The following FOCAD variants were observed in gnomAD, a reference collection of about 807,000 sequenced individuals.
The protein encoded by FOCAD is KIAA1797.
In FOCAD, 198 loss-of-function variants were observed where a neutral mutation model predicts 225.6. The observed-to-expected ratio is 0.88, with a 90% CI of 0.78 to 0.99. FOCAD has a LOEUF of 0.99. FOCAD is among the 50% of genes least tolerant of loss of function. FOCAD has a pLI of 0.00. For missense variants in FOCAD, 2,713 were observed against 2,123.6 expected (o/e 1.28, Z -5.46); for synonymous variants, 897 against 755.0 (o/e 1.19, Z -3.08).
At chr9:20,969,245 G>A (rs1254045716) in intron 35 of FOCAD, among the ~76,000 whole-genome samples, 2 of 152,190 alleles carry the variant, frequency 1.3e-5, no homozygotes, top group East Asian at 3.9e-4. Context: ...TATTCTGATG[G>A]TGTTGAGTGG....
chr9:20,776,798 G>A (rs779888240), intron 8 of FOCAD, among the ~76,000 whole-genome samples: 13 of 152,054 alleles, frequency 8.5e-5, no homozygotes, highest in Non-Finnish European at 1.8e-4. Flanking sequence ...GTTGTTGATC[G>A]TTTTGGAATC....
At chr9:20,910,658 T>C (rs1413445368) in intron 22 of FOCAD, among the ~76,000 whole-genome samples, 3 of 152,054 alleles carry the variant, frequency 2.0e-5, no homozygotes, top group Non-Finnish European at 2.9e-5. Flanking sequence ...GTGATCACTT[T>C]AGCCATTTTG....
At chr9:20,961,209 C>T (rs1340331815) in intron 35 of FOCAD, among the ~76,000 whole-genome samples, 1 of 151,828 alleles carries the variant, frequency 6.6e-6, no homozygotes, top group Non-Finnish European at 1.5e-5. Context: ...CTCTTTCTCT[C>T]CCTCTCTCTC....
intron 4 of FOCAD, among the ~76,000 whole-genome samples, chr9:20,731,060 A>T (rs556144533): frequency 2.0e-5 from 3 of 152,060 alleles, no homozygotes; most frequent in African/African-American, 7.2e-5. Context: ...ACATGGCAAA[A>T]CCCCATCTCT....
In FOCAD at chr9:20,881,966, G is replaced by C. The variant is rs1164960491; in HGVS notation, c.2413G>C (p.Asp805His). 1.2e-6 allele frequency: 2 copies of C among 1,613,966 alleles called. No homozygotes were observed. Among genetic ancestry groups the C allele is most frequent in the Non-Finnish European group, 1.7e-6 (2 of 1,179,908 alleles). Residue 805 changes from aspartate to histidine, a missense_variant, in exon 20 of 44, where the codon GAC becomes CAC. Coordinates refer to ENST00000338382, the MANE Select transcript of FOCAD (RefSeq NM_001375567.1). ...TGCATTAAAAGGAGGTGCCCGCTCAGACCAAGGAAAGACTGTAGCAGGAAT... is the reference window on the plus strand; with the variant it reads ...TGCATTAAAAGGAGGTGCCCGCTCACACCAAGGAAAGACTGTAGCAGGAAT... ...HSALKGGARS[D>H]QGKTVAGIPN...
intron 11 of FOCAD, among the ~76,000 whole-genome samples, chr9:20,818,343 ATGGTATC>A (rs1193303475): frequency 6.6e-6 from 1 of 151,760 alleles, no homozygotes; most frequent in Non-Finnish European, 1.5e-5. Flanking sequence ...CACTTTCTTT[ATGGTATC>A]TTTTGACGGA....
intron 41 of FOCAD, 67 bp from the exon 42 acceptor site, chr9:20,990,056 A>G: frequency 1.3e-6 from 2 of 1,585,242 alleles, no homozygotes; most frequent in Non-Finnish European, 1.7e-6. Context: ...GGGGCTGTGT[A>G]TGTGAACATG....
At chr9:20,833,697 A>C (rs866270675) in intron 15 of FOCAD, among the ~76,000 whole-genome samples, 1 of 152,048 alleles carries the variant, frequency 6.6e-6, no homozygotes, top group Non-Finnish European at 1.5e-5. Context: ...TGTGATCTCA[A>C]TTTGTCTCTG....
At chr9:20,691,259 A>T (rs1822958693) in intron 1 of FOCAD, among the ~76,000 whole-genome samples, 1 of 151,906 alleles carries the variant, frequency 6.6e-6, no homozygotes, top group South Asian at 2.1e-4. Context: ...TGCTTCTTAA[A>T]GCACTTTCTT....
chr9:20,697,034 A>G (rs1823428339), intron 1 of FOCAD, among the ~76,000 whole-genome samples: 1 of 152,178 alleles, frequency 6.6e-6, no homozygotes, highest in Non-Finnish European at 1.5e-5. Flanking sequence ...TGGCTTCCAG[A>G]ACTGTGAGCC....
intron 5 of FOCAD, among the ~76,000 whole-genome samples, chr9:20,753,369 AG>A (rs1828747048): frequency 1.3e-5 from 2 of 151,754 alleles, no homozygotes; most frequent in East Asian, 1.9e-4. Flanking sequence ...TTTAGCATGA[AG>A]GGTTGTTGAA....
intron 20 of FOCAD, among the ~76,000 whole-genome samples, chr9:20,883,301 A>T (rs540404946): frequency 2.6e-5 from 4 of 152,362 alleles, no homozygotes; most frequent in African/African-American, 7.2e-5. Context: ...ACAAACCCAC[A>T]ATAATAATGG....
chr9:20,679,373 G>A (rs1017118639), upstream of FOCAD, among the ~76,000 whole-genome samples: 5 of 152,070 alleles, frequency 3.3e-5, no homozygotes, highest in Admixed American at 1.3e-4. Flanking sequence ...CCCAGTCTTC[G>A]TGCCTGATGA....
chr9:20,771,653 G>C (rs1563971193), intron 8 of FOCAD, among the ~76,000 whole-genome samples: 2 of 152,160 alleles, frequency 1.3e-5, no homozygotes, highest in Non-Finnish European at 2.9e-5. Flanking sequence ...TACTCATGAT[G>C]CTGAGGCAGG....
Position 20,719,006 on chromosome 9 carries a change from T to G in FOCAD, c.132+1138T>G, listed in dbSNP as rs1825564543. Among the ~76,000 whole-genome samples, 3 of 152,218 alleles carry G rather than the reference T, an allele frequency of 2.0e-5. No individual in the cohort carries two copies. The South Asian group carries it at 6.2e-4, about 31-fold the overall frequency. On this transcript the variant is annotated intron_variant, in intron 3 of 43. Transcript: ENST00000338382. ...AGTGATTGTTAACTGTATTGTTATT[T>G]TAATAGTGGGATGCTAAGATAGAAA...
At chr9:20,802,968 C>G (rs1228218803) in intron 11 of FOCAD, among the ~76,000 whole-genome samples, 1 of 152,086 alleles carries the variant, frequency 6.6e-6, no homozygotes, top group East Asian at 1.9e-4. Context: ...AATTTTATTT[C>G]TTTAACATTT....
intron 2 of FOCAD, chr9:20,658,844 G>A (rs1821609972): frequency 6.5e-6 from 1 of 152,730 alleles, no homozygotes; most frequent in African/African-American, 2.4e-5. Flanking sequence ...ATTCTTATGG[G>A]TTGAATTGTT....
intron 4 of FOCAD, among the ~76,000 whole-genome samples, chr9:20,726,962 A>G (rs1388420827): frequency 1.3e-5 from 2 of 152,176 alleles, no homozygotes; most frequent in Non-Finnish European, 2.9e-5. Context: ...TTTAGGGAAG[A>G]CAGCACATTT....
intron 11 of FOCAD, among the ~76,000 whole-genome samples, chr9:20,814,404 G>A (rs560961025): frequency 2.7e-5 from 4 of 150,894 alleles, no homozygotes; most frequent in Non-Finnish European, 4.4e-5. Flanking sequence ...CGCCCAGGCT[G>A]GAGTATAGTG....
Sources: gnomAD v4.1 joint callset for allele counts (sites outside exome capture counted in the v4.1 genomes callset) on GRCh38, gnomAD v4.1.1 for gene constraint, MANE v1.5 for transcripts, NCBI Gene and HGNC (gene_info 2026-07-23, HGNC 2026-07-21) for gene names.